Variants in RGL3 observed in about 807,000 individuals in gnomAD.
The protein encoded by RGL3 is ral guanine nucleotide dissociation stimulator-like 3.
Under a neutral mutation model 90.6 loss-of-function variants are expected in RGL3, and 85 were observed. That is an observed-to-expected ratio of 0.94 (90% CI 0.79 to 1.12). The LOEUF (loss-of-function observed/expected upper bound fraction) is 1.12. RGL3 is among the 50% of genes most tolerant of loss of function. The probability of loss-of-function intolerance (pLI) is 0.00; values close to 1 mark genes in which losing one functional copy is unlikely to be tolerated. For missense variants in RGL3, 1,034 were observed against 939.2 expected, an observed-to-expected ratio of 1.10 and a Z score of -1.32; for synonymous variants, 408 against 385.5, an observed-to-expected ratio of 1.06 and a Z score of -0.68.
intron 16 of RGL3, among the ~76,000 whole-genome samples, chr19:11,398,888 C>A (rs957286202): frequency 1.3e-5 from 2 of 151,980 alleles, no homozygotes; most frequent in African/African-American, 4.8e-5. Flanking sequence ...CCAGGATGGT[C>A]TCGATCTCTT....
At chr19:11,415,557 C>A (rs780389650) in intron 5 of RGL3, among the ~76,000 whole-genome samples, 1 of 152,110 alleles carries the variant, frequency 6.6e-6, no homozygotes, top group African/African-American at 2.4e-5. Context: ...CTCACCGCAA[C>A]CTCCGCCTCC....
In RGL3 at chr19:11,406,464, G is replaced by A. The variant is rs1157916947; in HGVS notation, c.951C>T (p.Ala317=). ...GSVLGAPGLA[A]PQRAQRLEKW... The stretch of plus-strand genomic sequence containing the variant: ...TCTCCAGCCGCTGCGCCCTCTGCGG[G>A]GCGGCCAAGCCCGGTGCTCCGAGCA... Residue 317 remains alanine (A), a synonymous_variant, in exon 7 of 19, where the codon GCC becomes GCT. Transcript: ENST00000380456. 1.9e-6 allele frequency: 3 copies of A among 1,550,610 alleles called. No individual in the cohort carries two copies. Among genetic ancestry groups the A allele is most frequent in the Non-Finnish European group, 1.7e-6 (2 of 1,151,188 alleles).
intron 5 of RGL3, among the ~76,000 whole-genome samples, chr19:11,415,186 C>T (rs942553094): frequency 6.6e-6 from 1 of 150,802 alleles, no homozygotes; most frequent in Non-Finnish European, 1.5e-5. Context: ...AAAAGAAATT[C>T]AAAAATAAGA....
chr19:11,414,473 AT>A (rs1199717607), intron 5 of RGL3, among the ~76,000 whole-genome samples: 1 of 97,618 alleles, frequency 1.0e-5, no homozygotes, highest in African/African-American at 4.1e-5. Flanking sequence ...TCATATATAT[AT>A]ATATATATAC....
intron 1 of RGL3, chr19:11,419,003 T>A (rs566261452): frequency 9.2e-5 from 58 of 631,190 alleles, no homozygotes; most frequent in South Asian, 8.8e-4. Context: ...TTTGGGGATG[T>A]CCCAGGGCCC....
Position 11,416,065 on chromosome 19 carries a change from C to T in RGL3, c.509G>A (p.Ser170Asn). The T allele has an allele frequency of 6.2e-7, 1 of 1,613,046 alleles. No homozygotes were observed. The highest frequency in any genetic ancestry group is 8.5e-7 in the Non-Finnish European group (1 of 1,179,692). ...RDHPAHSDLG[S>N]VRTFLGWAAP... ...CGCCCAGCCCAGAAAGGTTCGGACACTGCCCAGGTCCGAATGGGCAGGGTG... is the reference window on the plus strand; with the variant it reads ...CGCCCAGCCCAGAAAGGTTCGGACATTGCCCAGGTCCGAATGGGCAGGGTG... Residue 170 changes from serine (S) to asparagine (N), a missense_variant, in exon 5 of 19, where the codon AGT (serine) becomes AAT (asparagine). By Grantham distance (46) the Ser-to-Asn change is conservative. Transcript: ENST00000380456.
chr19:11,406,910 C>A, intron 5 of RGL3, 46 bp from the exon 6 acceptor site: 1 of 1,577,886 alleles, frequency 6.3e-7, no homozygotes, highest in Non-Finnish European at 8.6e-7. Flanking sequence ...GAATCCAAGA[C>A]TGGCTGTGTG....
intron 5 of RGL3, among the ~76,000 whole-genome samples, 172 bp downstream of exon 5, chr19:11,415,765 C>T (rs1334285912): frequency 6.6e-6 from 1 of 152,140 alleles, no homozygotes; most frequent in Non-Finnish European, 1.5e-5. Context: ...TGAGCCACCA[C>T]GCCCGGCTGA....
rs1568341860 is a variant in RGL3, at chr19:11,414,448, T to TATATATATACCTTCATATATATAC, written c.637+1488_637+1489insGTATATATATGAAGGTATATATAT. Among the ~76,000 whole-genome samples the TATATATATACCTTCATATATATAC allele has an allele frequency of 8.1e-4, 59 of 73,160 alleles. 2 individuals are homozygous for TATATATATACCTTCATATATATAC. The highest frequency in any genetic ancestry group is 4.6e-3 in the African/African-American group (54 of 11,646). The allele number at this position is 73,160 out of a possible 152,430, so 48.0% of individuals were successfully genotyped here. A position where few individuals can be genotyped will look rare whatever the true frequency, so the allele number is the denominator to read the frequency against. ...ATATATATACCTTCATATATATACA[T>TATATATATACCTTCATATATATAC]ATATATATATACCTTCATATATATA... On this transcript the variant is annotated intron_variant, in intron 5 of 18. Coordinates refer to ENST00000380456, the MANE Select transcript of RGL3 (RefSeq NM_001035223.4).
intron 13 of RGL3, among the ~76,000 whole-genome samples, chr19:11,400,737 T>C (rs317911): frequency 0.087 from 13,235 of 151,370 alleles, 1,213 homozygotes; most frequent in African/African-American, 0.23. Context: ...CGCCTGTAAT[T>C]GCGGCTACCG....
intron 5 of RGL3, among the ~76,000 whole-genome samples, chr19:11,414,167 A>ATATATATACCTATATATATATACCTT (rs1968924870): frequency 2.7e-5 from 3 of 110,996 alleles, no homozygotes; most frequent in African/African-American, 1.3e-4. Context: ...ATATATATAT[A>ATATATATACCTATATATATATACCTT]TATATATATA....
chr19:11,396,019 C>T (rs1968559192), intron 18 of RGL3, among the ~76,000 whole-genome samples: 1 of 148,140 alleles, frequency 6.8e-6, no homozygotes, highest in Non-Finnish European at 1.5e-5. Flanking sequence ...CCTCCACCTC[C>T]TAGGCTCAAG....
At chr19:11,413,725 A>C (rs1968911450) in intron 5 of RGL3, among the ~76,000 whole-genome samples, 1 of 147,348 alleles carries the variant, frequency 6.8e-6, no homozygotes, top group Non-Finnish European at 1.5e-5. Context: ...TAATTAATTA[A>C]TTATTATTAT....
chr19:11,400,402 G>A, intron 13 of RGL3, 105 bp from the exon 14 acceptor site: 1 of 911,376 alleles, frequency 1.1e-6, no homozygotes, highest in Non-Finnish European at 1.6e-6. Flanking sequence ...GTAAGGGGGA[G>A]CAGCCAGAGG....
chr19:11,402,765 C>T (rs370499657), intron 9 of RGL3, 59 bp from the exon 10 acceptor site: 34 of 1,455,040 alleles, frequency 2.3e-5, no homozygotes, highest in South Asian at 4.6e-5. Flanking sequence ...TCCTCAGGAA[C>T]GATGCCTGCA....
At position 11,397,484 on chromosome 19, in the gene RGL3, G is replaced by T; in HGVS notation, c.1860C>A (p.Ser620Arg). 1 of 1,613,486 alleles carries T rather than the reference G, an allele frequency of 6.2e-7. No homozygotes were observed. The change falls in exon 17 of 19, where the codon AGC becomes AGA. Residue 620 changes from serine to arginine, a missense_variant. Ser to Arg is a moderately radical substitution (Grantham distance 110, BLOSUM62 -1). Transcript: ENST00000380456. The stretch of plus-strand genomic sequence containing the variant: ...ACAGGTTCCCGTGGTCATTGTCGAT[G>T]CTGACGCGGATGACACGGGCCTCCG... ...QSSEARVIRV[S>R]IDNDHGNLYR...
chr19:11,411,670 G>A (rs1053668743), intron 5 of RGL3, among the ~76,000 whole-genome samples: 8 of 152,168 alleles, frequency 5.3e-5, no homozygotes, highest in African/African-American at 1.9e-4. Context: ...CACCTAGGCT[G>A]GAGTACAGTG....
rs1968983696 is a variant in RGL3, at chr19:11,415,868, A to T, written c.637+69T>A. 11 of 1,358,434 alleles carry T rather than the reference A, an allele frequency of 8.1e-6. No individual in the cohort carries two copies. In the Admixed American group the frequency reaches 2.1e-4, roughly 25 times the overall value. 84.1% of individuals were successfully genotyped at this position (1,358,434 alleles called of 1,614,324 possible). A position where few individuals can be genotyped will look rare whatever the true frequency, so the allele number is the denominator to read the frequency against. ...TTTTGTAGCTCTGAGAGGGGAGAGA[A>T]AGCCTGTGTGGGAAGAAGCAGACAG... On this transcript the variant is annotated intron_variant, in intron 5 of 18. Transcript: ENST00000380456.
chr19:11,414,163 A>ACC (rs1267512599), intron 5 of RGL3, among the ~76,000 whole-genome samples: 9 of 110,506 alleles, frequency 8.1e-5, no homozygotes, highest in South Asian at 2.9e-4. Flanking sequence ...ATATATATAT[A>ACC]TATATATATA....
Sources: gnomAD v4.1 joint callset for allele counts (sites outside exome capture counted in the v4.1 genomes callset) on GRCh38, gnomAD v4.1.1 for gene constraint, MANE v1.5 for transcripts, NCBI Gene and HGNC (gene_info 2026-07-23, HGNC 2026-07-21) for gene names.